TRPV1: variants seen among roughly 807,000 people sequenced by gnomAD.
TRPV1 encodes the protein OTRPC1.
In TRPV1, 82 loss-of-function variants were observed where a neutral mutation model predicts 82.3. The ratio of observed to expected loss-of-function variants is 1.00; its 90% CI spans 0.83 to 1.20. The LOEUF is 1.20. Among genes scored for constraint, TRPV1 ranks in the 50% most tolerant of loss-of-function variants. TRPV1 has a pLI of 0.00. For synonymous variants in TRPV1, 515 were observed against 467.7 expected, an observed-to-expected ratio of 1.10 and a Z score of -1.30; for missense variants, 1,067 against 1,096.8, an observed-to-expected ratio of 0.97 and a Z score of 0.38.
chr17:3,589,996 G>A lies in TRPV1; in HGVS notation c.855C>T (p.Gly285=), dbSNP rs1205494955. ...CCACCAGGGCGTGCAGCACCGTGTTGCCCACCGAGTCCCTGGCGCTGATGT... is the reference window on the plus strand; with the variant it reads ...CCACCAGGGCGTGCAGCACCGTGTTACCCACCGAGTCCCTGGCGCTGATGT... ...TADISARDSV[G]NTVLHALVEV... The change falls in exon 7 of 17, where the codon GGC becomes GGT. Residue 285 remains glycine, a synonymous_variant. Transcript: ENST00000572705. 1.3e-6 allele frequency: 2 copies of A among 1,560,582 alleles called. No individual in the cohort carries two copies. The highest frequency in any genetic ancestry group is 2.3e-5 in the South Asian group (2 of 85,198).
chr17:3,591,692 C>T (rs1303061408), intron 3 of TRPV1, among the ~76,000 whole-genome samples: 1 of 152,076 alleles, frequency 6.6e-6, no homozygotes, highest in South Asian at 2.1e-4. Context: ...GTAGACAGCC[C>T]CTCTAAGGGA....
Position 3,605,948 on chromosome 17 carries a change from A to ATTATTTAT in TRPV1, c.-34+2471_-34+2478dup, listed in dbSNP as rs142109436. Among the ~76,000 whole-genome samples, 140 of 150,262 alleles carry ATTATTTAT rather than the reference A, an allele frequency of 9.3e-4. 1 individual carries two copies. The highest frequency in any genetic ancestry group is 2.9e-3 in the African/African-American group (117 of 40,376). ...CAGTGGCTTCAAACATCAAAGGTTT[A>ATTATTTAT]TTATTTATTTATTTATTTATTTATT... On this transcript the variant is annotated intron_variant, in intron 2 of 16. Transcript: ENST00000572705.
At chr17:3,575,863 A>G (rs901992962) in intron 13 of TRPV1, among the ~76,000 whole-genome samples, 1 of 152,140 alleles carries the variant, frequency 6.6e-6, no homozygotes, top group East Asian at 1.9e-4. Context: ...TGTCAAAACC[A>G]CTGGCCTCTA....
At chr17:3,581,758 A>ATG (rs2075015947) in intron 10 of TRPV1, among the ~76,000 whole-genome samples, 1 of 139,310 alleles carries the variant, frequency 7.2e-6, no homozygotes, top group Non-Finnish European at 1.6e-5. Context: ...GGTGGCACGC[A>ATG]CCTGTAGTCC....
chr17:3,596,076 G>C (rs10491214), intron 2 of TRPV1, among the ~76,000 whole-genome samples: 24,238 of 152,166 alleles, frequency 0.16, 6,278 homozygotes, highest in African/African-American at 0.55. Context: ...TGGAGATGGT[G>C]ATTCTGGTTT....
chr17:3,581,753 C>T (rs71368145), intron 10 of TRPV1, among the ~76,000 whole-genome samples: 12,332 of 81,714 alleles, frequency 0.15, 965 homozygotes, highest in East Asian at 0.58. Flanking sequence ...GGCGCGGTGG[C>T]ACGCACCTGT....
chr17:3,578,027 A>G, intron 11 of TRPV1: 1 of 320,904 alleles, frequency 3.1e-6, no homozygotes, highest in African/African-American at 2.1e-5. Context: ...CCTAAAGGCC[A>G]GGCGCAGTAG....
intron 2 of TRPV1, among the ~76,000 whole-genome samples, chr17:3,604,867 C>T (rs113477893): frequency 6.6e-6 from 1 of 152,260 alleles, no homozygotes; most frequent in African/African-American, 2.4e-5. Flanking sequence ...GTCAGCTACA[C>T]TCCCAAGGCC....
chr17:3,582,145 G>C (rs1432414540), intron 10 of TRPV1, among the ~76,000 whole-genome samples: 1 of 133,670 alleles, frequency 7.5e-6, no homozygotes, highest in Admixed American at 8.5e-5. Flanking sequence ...AGTGGAGATT[G>C]TGCCACTGCA....
At chr17:3,574,649 C>G (rs570794959) in intron 13 of TRPV1, among the ~76,000 whole-genome samples, 2 of 152,264 alleles carry the variant, frequency 1.3e-5, no homozygotes, top group African/African-American at 4.8e-5. Context: ...GAGTCCAGTG[C>G]TCAAAAAATG....
intron 10 of TRPV1, among the ~76,000 whole-genome samples, chr17:3,580,934 G>A (rs982261345): frequency 4.6e-5 from 7 of 151,284 alleles, no homozygotes; most frequent in Non-Finnish European, 7.4e-5. Context: ...CAAGAAAATC[G>A]CTTGAACCCA....
rs199797553 is a variant in TRPV1, at chr17:3,591,167, G to C, written c.451+20C>G. The C allele has an allele frequency of 5.6e-6, 9 of 1,608,320 alleles. No homozygotes were observed. In the Middle Eastern group the frequency reaches 5.0e-4, roughly 89 times the overall value. ...GCAGGCCAGGGCTGGGGCCCTCCCC[G>C]AGCCCAGCGCTGGGGCCACCTTTGA... is the stretch of plus-strand genomic sequence containing the variant. On this transcript the variant is annotated intron_variant, in intron 4 of 16. Transcript: ENST00000572705.
In TRPV1 at chr17:3,591,423, C is replaced by G. The variant is rs2075156499; in HGVS notation, c.285-70G>C. 3.3e-6 allele frequency: 5 copies of G among 1,497,158 alleles called. No homozygotes were observed. In the East Asian group the frequency reaches 1.1e-4, roughly 34 times the overall value. The allele number at this position is 1,497,158 out of a possible 1,614,324, so 92.7% of individuals were successfully genotyped here. On this transcript the variant is annotated intron_variant, in intron 3 of 16. Coordinates refer to ENST00000572705, the MANE Select transcript of TRPV1 (RefSeq NM_080704.4). The stretch of plus-strand genomic sequence containing the variant: ...CGGCCCTGAGGCCTTCGGAGCTTGT[C>G]AAGGGAACACGACTAAATCCCAAGG...
chr17:3,597,343 G>C (rs934592287), intron 2 of TRPV1, among the ~76,000 whole-genome samples: 2 of 152,308 alleles, frequency 1.3e-5, no homozygotes, highest in Middle Eastern at 6.8e-3. Context: ...TGCCCCCGGA[G>C]GTCTGGGAAA....
intron 5 of TRPV1, among the ~76,000 whole-genome samples, chr17:3,590,761 G>A (rs2075146575): frequency 6.6e-6 from 1 of 152,070 alleles, no homozygotes; most frequent in African/African-American, 2.4e-5. Flanking sequence ...CATCAGATCG[G>A]GGAGGCAGAG....
chr17:3,594,630 C>T (rs1415730142), intron 2 of TRPV1, among the ~76,000 whole-genome samples: 1 of 152,246 alleles, frequency 6.6e-6, no homozygotes, highest in Non-Finnish European at 1.5e-5. Context: ...GGTGGACCCC[C>T]TGCAGCAGGA....
At chr17:3,580,387 G>A (rs1483306002) in intron 11 of TRPV1, 70 bp downstream of exon 11, 12 of 1,537,840 alleles carry the variant, frequency 7.8e-6, no homozygotes, top group Non-Finnish European at 1.1e-5. Context: ...CGGCGTGAGT[G>A]AGACCTCAAG....
intron 11 of TRPV1, 170 bp from the exon 12 acceptor site, chr17:3,577,933 G>A (rs536493265): frequency 1.0e-4 from 63 of 612,490 alleles, no homozygotes; most frequent in African/African-American, 9.1e-4. Context: ...AAGCAGCATC[G>A]TCCCCAAGGA....
intron 14 of TRPV1, among the ~76,000 whole-genome samples, chr17:3,573,427 G>C (rs57405156): frequency 6.6e-6 from 1 of 152,028 alleles, no homozygotes; most frequent in East Asian, 1.9e-4. Context: ...CTGGATCCCC[G>C]GGCCTGGCCG....
Sources: gnomAD v4.1 joint callset for allele counts (sites outside exome capture counted in the v4.1 genomes callset) on GRCh38, gnomAD v4.1.1 for gene constraint, MANE v1.5 for transcripts, NCBI Gene and HGNC (gene_info 2026-07-23, HGNC 2026-07-21) for gene names.